The following MYRIP variants were observed in gnomAD, a reference collection of about 807,000 sequenced individuals.
MYRIP encodes the protein myosin VIIA and Rab interacting protein, also known as rab effector MyRIP.
A neutral mutation model predicts 98.0 loss-of-function variants in MYRIP; 49 were observed. That is an observed-to-expected ratio of 0.50 (90% CI 0.40 to 0.63). The LOEUF (loss-of-function observed/expected upper bound fraction) is 0.63, where lower values mean the gene tolerates loss of function less well. Among genes scored for constraint, MYRIP ranks in the 30% least tolerant of loss-of-function variants. The probability of loss-of-function intolerance (pLI) is 0.00; values close to 1 mark genes in which losing one functional copy is unlikely to be tolerated. For missense variants in MYRIP, 1,004 were observed against 1,058.2 expected (o/e 0.95, Z 0.71); for synonymous variants, 404 against 409.5 (o/e 0.99, Z 0.16).
chr3:40,155,484 T>C (rs999604650), intron 4 of MYRIP, among the ~76,000 whole-genome samples: 2 of 152,214 alleles, frequency 1.3e-5, no homozygotes, highest in African/African-American at 4.8e-5. Context: ...CAACATGATT[T>C]ATAGTCCATT....
intron 3 of MYRIP, among the ~76,000 whole-genome samples, chr3:40,077,967 G>A (rs942600844): frequency 2.6e-5 from 4 of 152,244 alleles, no homozygotes; most frequent in Admixed American, 6.5e-5. Flanking sequence ...ACTGGGCGCC[G>A]TGGAGCAGGG....
intron 1 of MYRIP, among the ~76,000 whole-genome samples, chr3:39,849,103 G>A (rs941418628): frequency 7.9e-5 from 12 of 152,112 alleles, no homozygotes; most frequent in Non-Finnish European, 1.5e-4. Flanking sequence ...CTATCCTATA[G>A]GATATAGATA....
intron 2 of MYRIP, among the ~76,000 whole-genome samples, chr3:39,968,043 A>G (rs893304845): frequency 6.6e-6 from 1 of 151,870 alleles, no homozygotes; most frequent in African/African-American, 2.4e-5. Context: ...TACTCTGCTG[A>G]TAGTTGCTTT....
intron 4 of MYRIP, among the ~76,000 whole-genome samples, chr3:40,160,112 C>T (rs1950348938): frequency 6.6e-6 from 1 of 152,182 alleles, no homozygotes; most frequent in Non-Finnish European, 1.5e-5. Flanking sequence ...TGTTTTTCCC[C>T]ATCTTTGTGG....
intron 16 of MYRIP, 27 bp from the exon 17 acceptor site, chr3:40,258,107 G>A (rs1953656566): frequency 6.2e-7 from 1 of 1,613,972 alleles, no homozygotes; most frequent in East Asian, 2.2e-5. Context: ...AGTGGCTGAT[G>A]GGAGTGTGTT....
At chr3:40,096,450 G>A (rs1035493083) in intron 3 of MYRIP, among the ~76,000 whole-genome samples, 2 of 152,186 alleles carry the variant, frequency 1.3e-5, no homozygotes, top group Non-Finnish European at 2.9e-5. Flanking sequence ...ATATGGCAAA[G>A]GGAGCCTCAT....
At position 39,832,228 on chromosome 3, in the gene MYRIP, C is replaced by A. The variant is rs189140759; in HGVS notation, c.-31+22312C>A. Among the ~76,000 whole-genome samples the A allele has an allele frequency of 2.6e-5, 4 of 152,228 alleles. No homozygotes were observed. In the South Asian group the frequency reaches 8.3e-4, roughly 32 times the overall value. On this transcript the variant is annotated intron_variant, in intron 1 of 16. Transcript: ENST00000302541. ...ACAACACAGAATATGTTTGTAACAA[C>A]CTGGCACAAATTTTCTTCAAGTTAT...
intron 1 of MYRIP, among the ~76,000 whole-genome samples, chr3:39,832,580 A>G (rs1941483547): frequency 6.6e-6 from 1 of 152,330 alleles, no homozygotes; most frequent in East Asian, 1.9e-4. Context: ...CTCATTTCTT[A>G]AGTAGGAAAA....
chr3:39,961,667 C>T (rs937741775), intron 2 of MYRIP, among the ~76,000 whole-genome samples: 1 of 152,070 alleles, frequency 6.6e-6, no homozygotes, highest in East Asian at 1.9e-4. Context: ...TGAAATAACC[C>T]GTTACTAGTC....
At chr3:39,884,809 ATT>A (rs67108421) in intron 1 of MYRIP, among the ~76,000 whole-genome samples, 1 of 139,206 alleles carries the variant, frequency 7.2e-6, no homozygotes. Flanking sequence ...AGTCATTATT[ATT>A]TTTTTTTTTT....
At chr3:40,181,144 G>C (rs1950874492) in intron 8 of MYRIP, among the ~76,000 whole-genome samples, 1 of 151,216 alleles carries the variant, frequency 6.6e-6, no homozygotes, top group Non-Finnish European at 1.5e-5. Context: ...ACAGTTTACT[G>C]TGAGTGCAGG....
chr3:40,058,172 T>C lies in MYRIP; in HGVS notation c.332+13901T>C, dbSNP rs1229382893. ...CTATAATTAATTCCCATAATTTTTT[T>C]CCCAGCATTGACCTAAGGCAGTTAA... On this transcript the variant is annotated intron_variant, in intron 3 of 16. Transcript: ENST00000302541. 2.0e-5 allele frequency among the ~76,000 whole-genome samples: 3 copies of C among 152,190 alleles called. No individual in the cohort carries two copies. The East Asian group carries it at 5.8e-4, about 29-fold the overall frequency.
intron 3 of MYRIP, among the ~76,000 whole-genome samples, chr3:40,065,866 C>A (rs1211840600): frequency 6.6e-6 from 1 of 152,098 alleles, no homozygotes; most frequent in Non-Finnish European, 1.5e-5. Context: ...GCCTGGCACA[C>A]TGTAGATGCT....
intron 1 of MYRIP, among the ~76,000 whole-genome samples, chr3:39,841,762 A>G (rs965947389): frequency 1.6e-4 from 24 of 152,266 alleles, no homozygotes; most frequent in Admixed American, 1.2e-3. Context: ...TCCAGACCCT[A>G]TTTACCTGGA....
At chr3:39,959,493 G>C (rs1052333494) in intron 2 of MYRIP, among the ~76,000 whole-genome samples, 1 of 152,010 alleles carries the variant, frequency 6.6e-6, no homozygotes, top group Admixed American at 6.5e-5. Context: ...TGGACACAGG[G>C]TGGGGAACGT....
intron 1 of MYRIP, among the ~76,000 whole-genome samples, chr3:39,829,174 C>G (rs1941359851): frequency 6.6e-6 from 1 of 152,172 alleles, no homozygotes; most frequent in African/African-American, 2.4e-5. Flanking sequence ...GCCATTCTTA[C>G]AGGAGTAAGG....
chr3:40,126,989 G>A (rs1949537777), intron 3 of MYRIP, among the ~76,000 whole-genome samples: 1 of 152,168 alleles, frequency 6.6e-6, no homozygotes, highest in African/African-American at 2.4e-5. Flanking sequence ...GCACAGCTTT[G>A]CCCTACAAAA....
At chr3:40,079,507 A>G (rs1948427862) in intron 3 of MYRIP, among the ~76,000 whole-genome samples, 1 of 152,194 alleles carries the variant, frequency 6.6e-6, no homozygotes, top group Admixed American at 6.5e-5. Flanking sequence ...CCAGACCTTA[A>G]CCTTAAAGTA....
intron 3 of MYRIP, among the ~76,000 whole-genome samples, chr3:40,108,023 G>T (rs1949083034): frequency 6.6e-6 from 1 of 152,170 alleles, no homozygotes; most frequent in Non-Finnish European, 1.5e-5. Flanking sequence ...GGGAGAGGCT[G>T]GATAAGCAGG....
Sources: allele counts gnomAD v4.1 joint callset (sites outside exome capture counted in the v4.1 genomes callset), GRCh38; gene constraint gnomAD v4.1.1; transcripts MANE v1.5; gene names NCBI Gene and HGNC (gene_info 2026-07-23, HGNC 2026-07-21).